The following BMP7 variants were observed in gnomAD, a reference collection of about 807,000 sequenced individuals.
BMP7 encodes osteogenic protein 1.
BMP7 carries 12 observed loss-of-function variants against 41.2 expected under a neutral mutation model. That is an observed-to-expected ratio of 0.29 (90% CI 0.19 to 0.47). The LOEUF is 0.47. Ranked by LOEUF, BMP7 falls within the 20% of genes least tolerant of loss-of-function variation. The pLI, the probability that BMP7 is intolerant of heterozygous loss-of-function variation, is 0.99. For synonymous variants in BMP7, 248 were observed against 250.0 expected, an observed-to-expected ratio of 0.99 and a Z score of 0.07; for missense variants, 467 against 606.0, an observed-to-expected ratio of 0.77 and a Z score of 2.41.
intron 3 of BMP7, among the ~76,000 whole-genome samples, chr20:57,191,841 T>C (rs1984366075): frequency 7.2e-6 from 1 of 139,744 alleles, no homozygotes; most frequent in African/African-American, 2.7e-5. Context: ...ACATATTTTA[T>C]ATATTATAGA....
At chr20:57,195,362 T>G (rs1233780577) in intron 3 of BMP7, among the ~76,000 whole-genome samples, 1 of 152,170 alleles carries the variant, frequency 6.6e-6, no homozygotes. Flanking sequence ...CTCCAGCCAT[T>G]TCTCTGGGTG....
chr20:57,200,295 G>A (rs1056855230), intron 3 of BMP7, among the ~76,000 whole-genome samples: 1 of 152,342 alleles, frequency 6.6e-6, no homozygotes. Flanking sequence ...TCACAAGGCC[G>A]GAAATAGCAG....
chr20:57,177,451 A>C (rs1053893137), intron 4 of BMP7, among the ~76,000 whole-genome samples: 1 of 151,908 alleles, frequency 6.6e-6, no homozygotes, highest in Non-Finnish European at 1.5e-5. Context: ...GGGTTCAAGC[A>C]ATTCTCCTGC....
In BMP7 at chr20:57,214,514, C is replaced by T. The variant is rs568032186; in HGVS notation, c.612-11891G>A. ...CCAACCTGTAAGGCCCTGGATGGTCCGGCCCCTGTCTCCACAGCCTCCTCC... is the reference window on the plus strand; with the variant it reads ...CCAACCTGTAAGGCCCTGGATGGTCTGGCCCCTGTCTCCACAGCCTCCTCC... On this transcript the variant is annotated intron_variant, in intron 2 of 6. Coordinates refer to ENST00000395863, the MANE Select transcript of BMP7 (RefSeq NM_001719.3). This position sits in a 1 kb window ranked among gnomAD's most constrained non-coding sequence, Gnocchi z 4.0. Among the ~76,000 whole-genome samples, 1 of 152,086 alleles carries T rather than the reference C, an allele frequency of 6.6e-6. No homozygotes were observed.
Position 57,259,919 on chromosome 20 carries a change from T to A in BMP7, c.418+5786A>T, listed in dbSNP as rs1196012457. On this transcript the variant is annotated intron_variant, in intron 1 of 6. Coordinates refer to ENST00000395863, the MANE Select transcript of BMP7 (RefSeq NM_001719.3). The surrounding 1 kb of genome is among the most constrained non-coding windows in gnomAD (Gnocchi z 4.7). ...CCATATTAAGAAATACCAAGTCACA[T>A]TTTTTGTCAATTATTATTTGTCAGA... Among the ~76,000 whole-genome samples the A allele has an allele frequency of 6.6e-6, 1 of 152,168 alleles. No homozygotes were observed. The highest frequency in any genetic ancestry group is 2.4e-5 in the African/African-American group (1 of 41,434).
At chr20:57,178,363 C>T (rs1256672009) in intron 4 of BMP7, among the ~76,000 whole-genome samples, 2 of 152,076 alleles carry the variant, frequency 1.3e-5, no homozygotes, top group African/African-American at 4.8e-5. Context: ...GGAACCAGCC[C>T]CAAGGCTCAA....
At chr20:57,248,554 G>C (rs1266774179) in intron 1 of BMP7, among the ~76,000 whole-genome samples, 1 of 152,194 alleles carries the variant, frequency 6.6e-6, no homozygotes, top group Non-Finnish European at 1.5e-5. Context: ...AACTGGCTGG[G>C]GCGGCAGCAG....
At chr20:57,230,500 T>A (rs142393182) in intron 1 of BMP7, among the ~76,000 whole-genome samples, 20 of 151,410 alleles carry the variant, frequency 1.3e-4, no homozygotes, top group African/African-American at 4.8e-4. Flanking sequence ...CAATCCCGCA[T>A]AGGTAGGTGA....
intron 2 of BMP7, among the ~76,000 whole-genome samples, chr20:57,216,775 C>T (rs1007129012): frequency 2.6e-5 from 4 of 152,128 alleles, no homozygotes; most frequent in African/African-American, 4.8e-5. Context: ...TCCATCTCTC[C>T]GAGGAGGAGT....
chr20:57,200,274 C>T (rs934734098), intron 3 of BMP7, among the ~76,000 whole-genome samples: 1 of 152,246 alleles, frequency 6.6e-6, no homozygotes, highest in African/African-American at 2.4e-5. Context: ...CATTAAGTGA[C>T]TCACCCTAGG....
At position 57,228,441 on chromosome 20, in the gene BMP7, C is replaced by T. The variant is rs548249663; in HGVS notation, c.419-20G>A. 1.2e-6 allele frequency: 2 copies of T among 1,612,120 alleles called. No individual in the cohort carries two copies. The highest frequency in any genetic ancestry group is 1.3e-5 in the African/African-American group (1 of 74,866). On this transcript the variant is annotated intron_variant, in intron 1 of 6. Coordinates refer to ENST00000395863, the MANE Select transcript of BMP7 (RefSeq NM_001719.3). This position sits in a 1 kb window ranked among gnomAD's most constrained non-coding sequence, Gnocchi z 4.5. ...GTTCCACTGGAAGAGGAAGAGAACA[C>T]ACACCAACACCGACAGCTCATTAGT...
At chr20:57,175,336 A>G (rs534860062) in intron 4 of BMP7, among the ~76,000 whole-genome samples, 16 of 152,290 alleles carry the variant, frequency 1.1e-4, no homozygotes, top group African/African-American at 3.6e-4. Flanking sequence ...CCTGGATTCC[A>G]TAAGGGAATC....
chr20:57,182,611 C>G lies in BMP7; in HGVS notation c.958+1111G>C, dbSNP rs187046472. ...ACAACCCAGACCCCAGGGACCCAAT[C>G]CCAGGGCTGCCAGTTACCTACACTG... On this transcript the variant is annotated intron_variant, in intron 4 of 6. Coordinates refer to ENST00000395863, the MANE Select transcript of BMP7 (RefSeq NM_001719.3). 1.1e-4 allele frequency among the ~76,000 whole-genome samples: 17 copies of G among 152,334 alleles called. No homozygotes were observed. In the East Asian group the frequency reaches 2.3e-3, roughly 21 times the overall value.
Position 57,202,518 on chromosome 20 carries a change from C to T in BMP7, c.717G>A (p.Pro239=), listed in dbSNP as rs368039601. The T allele has an allele frequency of 1.3e-5, 21 of 1,609,860 alleles. No individual in the cohort carries two copies. Among genetic ancestry groups the T allele is most frequent in the Middle Eastern group, 1.7e-4 (1 of 6,060 alleles). ...TATSNHWVVN[P]RHNLGLQLSV... ...AGAGCTGCAGGCCCAGGTTGTGCCG[C>T]GGATTGACCACCCAGTGGTTGCTGG... Residue 239 remains proline, a synonymous_variant, in exon 3 of 7, where the codon CCG becomes CCA. Coordinates refer to ENST00000395863, the MANE Select transcript of BMP7 (RefSeq NM_001719.3).
chr20:57,254,767 G>T (rs1263265077), intron 1 of BMP7, among the ~76,000 whole-genome samples: 3 of 152,128 alleles, frequency 2.0e-5, no homozygotes, highest in Non-Finnish European at 4.4e-5. Context: ...TGCACATTTT[G>T]ATTTTGGGGA....
chr20:57,251,945 G>T (rs2066115588), intron 1 of BMP7, among the ~76,000 whole-genome samples: 1 of 152,002 alleles, frequency 6.6e-6, no homozygotes, highest in Non-Finnish European at 1.5e-5. Context: ...AAAAAACAAA[G>T]CAAAACAAAA....
intron 2 of BMP7, among the ~76,000 whole-genome samples, chr20:57,221,454 A>G (rs2123110574): frequency 6.6e-6 from 1 of 152,314 alleles, no homozygotes; most frequent in Non-Finnish European, 1.5e-5. Flanking sequence ...GCGACTGGGG[A>G]AAGATGGAAG....
chr20:57,257,767 G>T (rs1416257513), intron 1 of BMP7, among the ~76,000 whole-genome samples: 1 of 147,702 alleles, frequency 6.8e-6, no homozygotes, highest in Non-Finnish European at 1.5e-5. Flanking sequence ...GGAGAATAAG[G>T]CTGTCTGAAA....
intron 1 of BMP7, among the ~76,000 whole-genome samples, chr20:57,241,274 C>G (rs1210840841): frequency 2.0e-5 from 3 of 152,232 alleles, no homozygotes; most frequent in Non-Finnish European, 4.4e-5. Flanking sequence ...TCTTGGCACA[C>G]TCGATGCACT....
Sources: gnomAD v4.1 joint callset for allele counts (sites outside exome capture counted in the v4.1 genomes callset) on GRCh38, gnomAD v4.1.1 for gene constraint, Gnocchi (gnomAD v3.1) non-coding constraint, MANE v1.5 for transcripts, NCBI Gene and HGNC (gene_info 2026-07-23, HGNC 2026-07-21) for gene names.